Variants in GTF2H5 observed in about 807,000 individuals in gnomAD.
GTF2H5 encodes general transcription factor IIH subunit 5, also known as TFB5 ortholog.
In GTF2H5, 5 loss-of-function variants were observed where a neutral mutation model predicts 7.1. The observed-to-expected ratio is 0.71, with a 90% CI of 0.37 to 1.49. The LOEUF is 1.49. GTF2H5 is among the 40% of genes most tolerant of loss of function. The pLI is 0.03. For missense variants in GTF2H5, 80 were observed against 83.0 expected (o/e 0.96, Z 0.14); for synonymous variants, 30 against 31.7 (o/e 0.95, Z 0.18).
At chr6:158,190,864 A>T (rs1014229625) in intron 2 of GTF2H5, 1 of 491,048 alleles carries the variant, frequency 2.0e-6, no homozygotes, top group Non-Finnish European at 4.0e-6. Flanking sequence ...TGTGTATTAG[A>T]TCTAAAGAGT....
intron 2 of GTF2H5, among the ~76,000 whole-genome samples, chr6:158,179,043 C>T (rs373389450): frequency 3.9e-5 from 6 of 152,190 alleles, no homozygotes; most frequent in South Asian, 4.2e-4. Context: ...GGAAAGGGTC[C>T]GGTTTCAGTT....
chr6:158,169,773 ATATAT>A (rs1230587644), intron 1 of GTF2H5, among the ~76,000 whole-genome samples: 1,445 of 83,908 alleles, frequency 0.017, 156 homozygotes, highest in African/African-American at 0.06. Flanking sequence ...ATTATATATA[ATATAT>A]TGTATATTAT....
At chr6:158,177,337 A>G (rs1448393932) in intron 2 of GTF2H5, among the ~76,000 whole-genome samples, 2 of 152,170 alleles carry the variant, frequency 1.3e-5, no homozygotes, top group South Asian at 2.1e-4. Context: ...TTGGCTCCCT[A>G]TGTAATAAAA....
intron 1 of GTF2H5, among the ~76,000 whole-genome samples, chr6:158,169,690 A>ATTG (rs1239378727): frequency 0.041 from 3,676 of 90,582 alleles, 740 homozygotes; most frequent in African/African-American, 0.12. Flanking sequence ...TATATAATAT[A>ATTG]TATTATATAA....
At chr6:158,183,129 C>G (rs1490805928) in intron 2 of GTF2H5, among the ~76,000 whole-genome samples, 2 of 152,186 alleles carry the variant, frequency 1.3e-5, no homozygotes, top group African/African-American at 4.8e-5. Context: ...TTCTAACAGA[C>G]AGGACCCTCA....
intron 1 of GTF2H5, among the ~76,000 whole-genome samples, chr6:158,169,690 A>ATT (rs1239378727): frequency 1.1e-5 from 1 of 90,730 alleles, no homozygotes; most frequent in Non-Finnish European, 2.0e-5. Context: ...TATATAATAT[A>ATT]TATTATATAA....
rs1562467937 is a variant in GTF2H5, at chr6:158,169,417, TATATATA to T, written c.-35+1029_-35+1035del. ...TAATATTATATTGTATATTATATAT[TATATATA>T]ATATATTGTATATTATATATATTAT... On this transcript the variant is annotated intron_variant, in intron 1 of 2. Transcript: ENST00000607778. Among the ~76,000 whole-genome samples, 12 of 91,288 alleles carry T rather than the reference TATATATA, an allele frequency of 1.3e-4. 1 individual carries two copies. The highest frequency in any genetic ancestry group is 5.9e-4 in the African/African-American group (12 of 20,436). The allele number at this position is 91,288 out of a possible 152,430, so 59.9% of individuals were successfully genotyped here. A position where few individuals can be genotyped will look rare whatever the true frequency, so the allele number is the denominator to read the frequency against.
At chr6:158,191,855 G>A in intron 2 of GTF2H5, 122 bp from the exon 3 acceptor site, 1 of 751,868 alleles carries the variant, frequency 1.3e-6, no homozygotes, top group Non-Finnish European at 2.3e-6. Flanking sequence ...GGAAGTGAGG[G>A]ATTGAGTAAC....
intron 2 of GTF2H5, among the ~76,000 whole-genome samples, chr6:158,180,324 T>C (rs1785992941): frequency 6.6e-6 from 1 of 152,216 alleles, no homozygotes; most frequent in African/African-American, 2.4e-5. Context: ...GATATTGGCC[T>C]AAAATTCTCT....
rs967274512 is a variant in GTF2H5, at chr6:158,193,522, C to G, written c.*1365C>G. On this transcript the variant is annotated 3_prime_UTR_variant, in exon 3 of 3. Coordinates refer to ENST00000607778, the MANE Select transcript of GTF2H5 (RefSeq NM_207118.3). ...TATGTTTATTCAAAGCACCTGTGTA[C>G]CATATTTATTCACTTACACAGCATT... is the stretch of plus-strand genomic sequence containing the variant. 1.3e-5 allele frequency: 2 copies of G among 152,074 alleles called. No individual in the cohort carries two copies. Among genetic ancestry groups the G allele is most frequent in the East Asian group, 1.9e-4 (1 of 5,198 alleles). The allele number at this position is 152,074 out of a possible 1,614,324, so 9.4% of individuals were successfully genotyped here. A position where few individuals can be genotyped will look rare whatever the true frequency, so the allele number is the denominator to read the frequency against.
intron 2 of GTF2H5, among the ~76,000 whole-genome samples, chr6:158,184,818 A>G (rs191262027): frequency 1.3e-5 from 2 of 152,316 alleles, no homozygotes; most frequent in Admixed American, 1.3e-4. Context: ...TGACCAGACT[A>G]TTTTACAGCT....
At chr6:158,187,403 G>A (rs1199540308) in intron 2 of GTF2H5, among the ~76,000 whole-genome samples, 2 of 152,156 alleles carry the variant, frequency 1.3e-5, no homozygotes, top group Admixed American at 6.5e-5. Context: ...ACAAGAGACA[G>A]CTTTGCAGGG....
intron 1 of GTF2H5, 36 bp from the exon 2 acceptor site, chr6:158,170,434 A>G: frequency 7.9e-7 from 1 of 1,270,344 alleles, no homozygotes; most frequent in Non-Finnish European, 1.2e-6. Context: ...AAAGTTAATG[A>G]TTTTTAATTT....
chr6:158,186,656 G>A (rs1226478258), intron 2 of GTF2H5, among the ~76,000 whole-genome samples: 1 of 152,200 alleles, frequency 6.6e-6, no homozygotes, highest in Non-Finnish European at 1.5e-5. Flanking sequence ...GACAACTTGT[G>A]CCCAAGGTGT....
chr6:158,193,035 T>C lies in GTF2H5; in HGVS notation c.*878T>C, dbSNP rs1327149029. 3 of 151,504 alleles carry C rather than the reference T, an allele frequency of 2.0e-5. No individual in the cohort carries two copies. Among genetic ancestry groups the C allele is most frequent in the Non-Finnish European group, 4.4e-5 (3 of 68,022 alleles). The allele number at this position is 151,504 out of a possible 1,614,324, so 9.4% of individuals were successfully genotyped here. On this transcript the variant is annotated 3_prime_UTR_variant, in exon 3 of 3. Coordinates refer to ENST00000607778, the MANE Select transcript of GTF2H5 (RefSeq NM_207118.3). Reference sequence around the variant, plus strand: ...AGTCAGCCCAACAGGAAAGGACATATTAGATTAAAATACATTGCGGCCTGG... The same window carrying C: ...AGTCAGCCCAACAGGAAAGGACATACTAGATTAAAATACATTGCGGCCTGG...
rs1370671283 is a variant in GTF2H5 at position 158,195,652 on chromosome 6, CT to C, written c.*3501del. ...GAACAGGTGATTTGACATAATTGTA[CT>C]TTTTTCTGAGAAGTTGGTAGTGTAC... On this transcript the variant is annotated 3_prime_UTR_variant, in exon 3 of 3. Coordinates refer to ENST00000607778, the MANE Select transcript of GTF2H5 (RefSeq NM_207118.3). The C allele has an allele frequency of 6.6e-6, 1 of 152,076 alleles. No individual in the cohort carries two copies. The highest frequency in any genetic ancestry group is 1.5e-5 in the Non-Finnish European group (1 of 68,006). 9.4% of individuals were successfully genotyped at this position (152,076 alleles called of 1,614,324 possible).
chr6:158,169,455 A>AT (rs1306015512), intron 1 of GTF2H5, among the ~76,000 whole-genome samples: 5 of 68,860 alleles, frequency 7.3e-5, no homozygotes, highest in Non-Finnish European at 1.2e-4. Flanking sequence ...ATTATATATT[A>AT]TATATATTAT....
intron 2 of GTF2H5, among the ~76,000 whole-genome samples, chr6:158,185,106 C>T (rs1776890345): frequency 2.7e-5 from 4 of 145,506 alleles, no homozygotes; most frequent in South Asian, 2.2e-4. Flanking sequence ...ATTCCAGGCT[C>T]TTTGTGTTTC....
intron 1 of GTF2H5, among the ~76,000 whole-genome samples, chr6:158,168,922 A>AC (rs1228691179): frequency 2.7e-5 from 4 of 150,518 alleles, no homozygotes; most frequent in Admixed American, 6.6e-5. Flanking sequence ...ACATGGTGAA[A>AC]CCCCGTCTCC....
Sources: allele counts gnomAD v4.1 joint callset (sites outside exome capture counted in the v4.1 genomes callset), GRCh38; gene constraint gnomAD v4.1.1; transcripts MANE v1.5; gene names NCBI Gene and HGNC (gene_info 2026-07-23, HGNC 2026-07-21).